Variants in CTNNA2 observed in about 807,000 individuals in gnomAD.
CTNNA2 encodes catenin alpha 2.
CTNNA2 carries 42 observed loss-of-function variants against 101.0 expected under a neutral mutation model. The ratio of observed to expected loss-of-function variants is 0.42; its 90% CI spans 0.32 to 0.54. The LOEUF is 0.54. Ranked by LOEUF, CTNNA2 falls within the 20% of genes least tolerant of loss-of-function variation. The pLI is 0.14. For synonymous variants in CTNNA2, 450 were observed against 456.4 expected, an observed-to-expected ratio of 0.99 and a Z score of 0.18; for missense variants, 871 against 1,223.1, an observed-to-expected ratio of 0.71 and a Z score of 4.29.
At chr2:79,668,949 G>C (rs1682636997) in intron 2 of CTNNA2, among the ~76,000 whole-genome samples, 1 of 152,264 alleles carries the variant, frequency 6.6e-6, no homozygotes, top group African/African-American at 2.4e-5. Context: ...TTGGGAGAAA[G>C]GTGGATGTAG....
intron 7 of CTNNA2, among the ~76,000 whole-genome samples, chr2:80,081,491 TCTCCCTCC>T (rs200076866): frequency 5.3e-5 from 8 of 151,020 alleles, no homozygotes; most frequent in Non-Finnish European, 8.8e-5. Flanking sequence ...TCTGTCTCTC[TCTCCCTCC>T]CTCCCTCCCT....
At chr2:80,394,675 T>C (rs1677835552) in intron 8 of CTNNA2, among the ~76,000 whole-genome samples, 1 of 152,180 alleles carries the variant, frequency 6.6e-6, no homozygotes, top group African/African-American at 2.4e-5. Context: ...TTGGTTTTAG[T>C]GTTAGCTCTG....
chr2:80,277,951 A>T (rs1047562590), intron 7 of CTNNA2, among the ~76,000 whole-genome samples: 1 of 152,040 alleles, frequency 6.6e-6, no homozygotes, highest in East Asian at 1.9e-4. Context: ...TCTTGCCCCC[A>T]TCCTTCAGTC....
At chr2:79,346,884 A>G (rs1394539550) in intron 3 of CTNNA2, among the ~76,000 whole-genome samples, 4 of 152,144 alleles carry the variant, frequency 2.6e-5, no homozygotes, top group Non-Finnish European at 5.9e-5. Flanking sequence ...AAAGATGCTT[A>G]TTTTCATAAT....
chr2:80,476,609 A>ACATTTTT (rs1367945323), intron 9 of CTNNA2, among the ~76,000 whole-genome samples: 5 of 152,284 alleles, frequency 3.3e-5, no homozygotes, highest in African/African-American at 1.2e-4. Context: ...TCAGTTCTTT[A>ACATTTTT]CATTTTTTCT....
At chr2:79,803,776 G>A (rs939987114) in intron 3 of CTNNA2, among the ~76,000 whole-genome samples, 3 of 152,226 alleles carry the variant, frequency 2.0e-5, no homozygotes, top group Non-Finnish European at 2.9e-5. Context: ...AATTCATTTG[G>A]TCTGCTGAGA....
intron 4 of CTNNA2, among the ~76,000 whole-genome samples, chr2:79,383,272 A>G (rs1678060112): frequency 6.6e-6 from 1 of 152,228 alleles, no homozygotes; most frequent in African/African-American, 2.4e-5. Flanking sequence ...ACAACTTAGG[A>G]GTACATGGCA....
At chr2:79,867,279 A>G (rs1209924840) in intron 4 of CTNNA2, among the ~76,000 whole-genome samples, 1 of 152,164 alleles carries the variant, frequency 6.6e-6, no homozygotes, top group Non-Finnish European at 1.5e-5. Context: ...TGAATTGTCA[A>G]TATTGTCTGT....
At chr2:79,585,733 CT>C (rs1676442545) in intron 1 of CTNNA2, among the ~76,000 whole-genome samples, 1 of 152,030 alleles carries the variant, frequency 6.6e-6, no homozygotes, top group Non-Finnish European at 1.5e-5. Flanking sequence ...CCCTCCCTCC[CT>C]CCCCCGGACA....
chr2:79,479,837 C>T (rs1671089809), intron 4 of CTNNA2, among the ~76,000 whole-genome samples: 1 of 151,890 alleles, frequency 6.6e-6, no homozygotes, highest in South Asian at 2.1e-4. Flanking sequence ...GCAGGAGAAT[C>T]GCTTGAACCC....
chr2:79,593,490 G>T (rs1207332032), intron 1 of CTNNA2, among the ~76,000 whole-genome samples: 1 of 152,030 alleles, frequency 6.6e-6, no homozygotes, highest in Non-Finnish European at 1.5e-5. Flanking sequence ...CTTTCCACTT[G>T]GTCTAGTTTA....
At chr2:80,334,130 T>C (rs1382231004) in intron 7 of CTNNA2, among the ~76,000 whole-genome samples, 2 of 152,212 alleles carry the variant, frequency 1.3e-5, no homozygotes, top group Admixed American at 1.3e-4. Context: ...TCTTTTGAAT[T>C]GTCAGTTTAG....
At chr2:80,343,101 T>G (rs997439783) in intron 7 of CTNNA2, among the ~76,000 whole-genome samples, 5 of 152,196 alleles carry the variant, frequency 3.3e-5, no homozygotes, top group African/African-American at 1.2e-4. Context: ...GCATATCTAA[T>G]GACCTCATCT....
intron 7 of CTNNA2, among the ~76,000 whole-genome samples, chr2:80,273,388 C>T (rs1673652897): frequency 6.6e-6 from 1 of 152,184 alleles, no homozygotes; most frequent in South Asian, 2.1e-4. Context: ...AGGACACCAT[C>T]ATTTCTCACC....
At chr2:79,892,756 A>G (rs975710964) in intron 6 of CTNNA2, among the ~76,000 whole-genome samples, 2 of 152,166 alleles carry the variant, frequency 1.3e-5, no homozygotes, top group African/African-American at 4.8e-5. Context: ...CAAAATTGAG[A>G]AAGATATTTG....
chr2:80,338,822 T>A (rs1417791194), intron 7 of CTNNA2, among the ~76,000 whole-genome samples: 1 of 152,122 alleles, frequency 6.6e-6, no homozygotes, highest in East Asian at 1.9e-4. Flanking sequence ...AGAATTCCAG[T>A]CACCAGGCAG....
chr2:80,465,281 T>A (rs751502329), intron 9 of CTNNA2, among the ~76,000 whole-genome samples: 1 of 152,222 alleles, frequency 6.6e-6, no homozygotes, highest in Non-Finnish European at 1.5e-5. Flanking sequence ...TCAAGGGGTA[T>A]GGTCTTAATA....
intron 3 of CTNNA2, among the ~76,000 whole-genome samples, chr2:79,798,211 A>G (rs1172488432): frequency 6.6e-6 from 1 of 152,168 alleles, no homozygotes; most frequent in Non-Finnish European, 1.5e-5. Context: ...TCCAACTCTT[A>G]TGTCTCCACA....
chr2:80,174,369 C>A (rs1705263571), intron 7 of CTNNA2, among the ~76,000 whole-genome samples: 1 of 152,068 alleles, frequency 6.6e-6, no homozygotes, highest in Non-Finnish European at 1.5e-5. Context: ...GTTATGATAC[C>A]CGCAGCACAG....
Sources: gnomAD v4.1 joint callset for allele counts (sites outside exome capture counted in the v4.1 genomes callset) on GRCh38, gnomAD v4.1.1 for gene constraint, MANE v1.5 for transcripts, NCBI Gene and HGNC (gene_info 2026-07-23, HGNC 2026-07-21) for gene names.